The following CC2D2B variants were observed in gnomAD, a reference collection of about 807,000 sequenced individuals.
The protein encoded by CC2D2B is coiled-coil and C2 domain containing 2B.
Under a neutral mutation model 161.2 loss-of-function variants are expected in CC2D2B, and 128 were observed. That is an observed-to-expected ratio of 0.79 (90% CI 0.69 to 0.92). The LOEUF is 0.92. Ranked by LOEUF, CC2D2B falls within the 40% of genes least tolerant of loss-of-function variation. CC2D2B has a pLI of 0.00. For missense variants in CC2D2B, 1,173 were observed against 1,375.1 expected (o/e 0.85, Z 2.32); for synonymous variants, 391 against 449.8 (o/e 0.87, Z 1.65).
chr10:95,990,087 A>G (rs1165501564), intron 20 of CC2D2B, among the ~76,000 whole-genome samples: 1 of 152,222 alleles, frequency 6.6e-6, no homozygotes, highest in African/African-American at 2.4e-5. Flanking sequence ...CATCTCTTCA[A>G]TCTGTCCATT....
chr10:95,909,700 A>G (rs895725854), intron 1 of CC2D2B, among the ~76,000 whole-genome samples: 1 of 152,228 alleles, frequency 6.6e-6, no homozygotes, highest in Non-Finnish European at 1.5e-5. Context: ...CCATTTCCAC[A>G]TGCTAGAGGT....
chr10:96,000,081 A>T (rs2078410752), intron 24 of CC2D2B: 1 of 1,485,948 alleles, frequency 6.7e-7, no homozygotes, highest in African/African-American at 1.4e-5. Context: ...CCGTGGTAAC[A>T]CCTGTGGGCA....
Position 96,027,402 on chromosome 10 carries a change from T to C in CC2D2B, c.4125+13T>C. 6.7e-7 allele frequency: 1 copy of C among 1,503,542 alleles called. No individual in the cohort carries two copies. Among genetic ancestry groups the C allele is most frequent in the Non-Finnish European group, 9.0e-7 (1 of 1,113,448 alleles). The allele number at this position is 1,503,542 out of a possible 1,614,324, so 93.1% of individuals were successfully genotyped here. A position where few individuals can be genotyped will look rare whatever the true frequency, so the allele number is the denominator to read the frequency against. On this transcript the variant is annotated intron_variant, in intron 34 of 34. Coordinates refer to ENST00000646931, the MANE Select transcript of CC2D2B (RefSeq NM_001349008.3). ...ACAATTTTATTGGGTTTGTATATGA[T>C]TTAATGCATTAATGACATTTGTTTT...
intron 3 of CC2D2B, among the ~76,000 whole-genome samples, chr10:95,922,596 T>A (rs1283277530): frequency 2.6e-5 from 4 of 152,218 alleles, no homozygotes; most frequent in African/African-American, 9.6e-5. Flanking sequence ...ATGCTTACCC[T>A]TTACTTCTAC....
At chr10:95,984,462 G>C (rs1213525745) in intron 19 of CC2D2B, 2 of 152,092 alleles carry the variant, frequency 1.3e-5, no homozygotes, top group Non-Finnish European at 2.9e-5. Context: ...GATGCTTAAA[G>C]TGTCATCATG....
At chr10:95,963,264 G>C (rs2076829562) in intron 12 of CC2D2B, among the ~76,000 whole-genome samples, 1 of 152,178 alleles carries the variant, frequency 6.6e-6, no homozygotes, top group South Asian at 2.1e-4. Flanking sequence ...CCTCGGAACT[G>C]TTTCCTGGCC....
chr10:95,994,217 G>A (rs186547532), intron 22 of CC2D2B, among the ~76,000 whole-genome samples: 305 of 151,366 alleles, frequency 2.0e-3, no homozygotes, highest in African/African-American at 7.1e-3. Context: ...AGGGTGAGTC[G>A]TCCAAGTGAT....
At chr10:96,024,726 T>A (rs2079618228) in intron 32 of CC2D2B, 127 bp from the exon 33 acceptor site, 1 of 520,810 alleles carries the variant, frequency 1.9e-6, no homozygotes, top group Admixed American at 3.2e-5. Flanking sequence ...ATGTTACCTA[T>A]GGAATTGAGT....
At chr10:95,986,342 G>T (rs1278960014) in intron 19 of CC2D2B, among the ~76,000 whole-genome samples, 3 of 149,596 alleles carry the variant, frequency 2.0e-5, no homozygotes, top group African/African-American at 2.4e-5. Flanking sequence ...GTGAAATAAC[G>T]TTGAATTATT....
At chr10:96,018,660 G>A (rs1365368971) in intron 30 of CC2D2B, 1 of 152,060 alleles carries the variant, frequency 6.6e-6, no homozygotes, top group Non-Finnish European at 1.5e-5. Context: ...TGGCTCACAA[G>A]TTGTTTCATC....
chr10:95,977,299 T>C (rs1159949399), intron 17 of CC2D2B, among the ~76,000 whole-genome samples: 1 of 152,072 alleles, frequency 6.6e-6, no homozygotes, highest in African/African-American at 2.4e-5. Context: ...CGCTTGAACC[T>C]GGGAAGCGGT....
chr10:95,978,580 G>A (rs1217198008), intron 17 of CC2D2B, among the ~76,000 whole-genome samples: 1 of 152,002 alleles, frequency 6.6e-6, no homozygotes, highest in Non-Finnish European at 1.5e-5. Context: ...TTGCTATGTT[G>A]CCCAGGCTGA....
At chr10:95,975,572 C>A (rs1423493517) in intron 17 of CC2D2B, among the ~76,000 whole-genome samples, 1 of 152,136 alleles carries the variant, frequency 6.6e-6, no homozygotes, top group Non-Finnish European at 1.5e-5. Flanking sequence ...AGATTGAAAT[C>A]AGTGGGGAAA....
chr10:95,990,423 A>G (rs2077905232), intron 20 of CC2D2B, among the ~76,000 whole-genome samples: 1 of 152,194 alleles, frequency 6.6e-6, no homozygotes, highest in African/African-American at 2.4e-5. Flanking sequence ...CCCAGCGTAG[A>G]AAACTTGGCG....
At chr10:96,005,076 A>G (rs529158277) in intron 25 of CC2D2B, among the ~76,000 whole-genome samples, 9 of 152,344 alleles carry the variant, frequency 5.9e-5, no homozygotes, top group East Asian at 1.9e-4. Flanking sequence ...ATAAATGCTG[A>G]AGGTAAAATA....
At chr10:95,955,329 G>A in intron 10 of CC2D2B, 65 bp from the exon 11 acceptor site, 2 of 396,816 alleles carry the variant, frequency 5.0e-6, no homozygotes, top group Admixed American at 4.4e-5. Context: ...TGACCTACAG[G>A]TGAACTGGAT....
At chr10:95,962,661 T>C (rs535535076) in intron 12 of CC2D2B, among the ~76,000 whole-genome samples, 3 of 152,132 alleles carry the variant, frequency 2.0e-5, no homozygotes, top group Non-Finnish European at 4.4e-5. Context: ...CCACAACCCA[T>C]TGTCCTGGGT....
In CC2D2B at chr10:96,004,007, T is replaced by C. The variant is rs1038641596; in HGVS notation, c.2850-145T>C. On this transcript the variant is annotated intron_variant, in intron 24 of 34. Transcript: ENST00000646931. ...CTCTAATGAAAGGTAGCAGCCAGTC[T>C]TCAGAACATAGAACTTTTTCTTAGT... 2.0e-5 allele frequency: 11 copies of C among 547,270 alleles called. 1 individual carries two copies. In the Admixed American group the frequency reaches 3.0e-4, roughly 15 times the overall value. The allele number at this position is 547,270 out of a possible 1,614,324, so 33.9% of individuals were successfully genotyped here.
chr10:95,974,041 G>A lies in CC2D2B; in HGVS notation c.1828G>A (p.Glu610Lys). 2 of 1,231,610 alleles carry A rather than the reference G, an allele frequency of 1.6e-6. No homozygotes were observed. The highest frequency in any genetic ancestry group is 8.2e-5 in the South Asian group (2 of 24,304). The allele number at this position is 1,231,610 out of a possible 1,614,324, so 76.3% of individuals were successfully genotyped here. A position where few individuals can be genotyped will look rare whatever the true frequency, so the allele number is the denominator to read the frequency against. ...VPFLLEGNGTEELCLLTSGKL... is the reference protein window; with the variant it reads ...VPFLLEGNGTKELCLLTSGKL... Reference sequence around the variant, plus strand: ...TTTTCTTCTTGAGGGAAATGGAACTGAAGAACTCTGTCTTTTGACATCAGG... The same window carrying A: ...TTTTCTTCTTGAGGGAAATGGAACTAAAGAACTCTGTCTTTTGACATCAGG... The change falls in exon 17 of 35, where the codon GAA becomes AAA. Residue 610 changes from glutamate to lysine, a missense_variant. Around this residue, in one of 3 missense-constraint regions of CC2D2B, gnomAD observed 277 missense variants for 420.6 expected, o/e 0.66. Transcript: ENST00000646931.
Sources: gnomAD v4.1 joint callset for allele counts (sites outside exome capture counted in the v4.1 genomes callset) on GRCh38, gnomAD v4.1.1 for gene constraint, gnomAD v4.1.1 regional missense constraint, MANE v1.5 for transcripts, NCBI Gene and HGNC (gene_info 2026-07-23, HGNC 2026-07-21) for gene names.